The following IL6R variants were observed in gnomAD, a reference collection of about 807,000 sequenced individuals.
IL6R encodes the protein interleukin 6 receptor.
IL6R carries 38 observed loss-of-function variants against 48.3 expected under a neutral mutation model. The ratio of observed to expected loss-of-function variants is 0.79; its 90% CI spans 0.61 to 1.03. The LOEUF (loss-of-function observed/expected upper bound fraction) is 1.03. Among genes scored for constraint, IL6R ranks in the 50% least tolerant of loss-of-function variants. The pLI, the probability that IL6R is intolerant of heterozygous loss-of-function variation, is 0.00. For missense variants in IL6R, 534 were observed against 618.3 expected (o/e 0.86, Z 1.45); for synonymous variants, 264 against 256.2 (o/e 1.03, Z -0.29).
At chr1:154,447,260 G>A (rs746576020) in intron 6 of IL6R, among the ~76,000 whole-genome samples, 14 of 151,486 alleles carry the variant, frequency 9.2e-5, no homozygotes, top group Non-Finnish European at 2.1e-4. Flanking sequence ...CCAATATGGT[G>A]AAACCCTGTC....
intron 3 of IL6R, among the ~76,000 whole-genome samples, chr1:154,432,653 C>T (rs114645658): frequency 0.02 from 2,989 of 152,318 alleles, 99 homozygotes; most frequent in African/African-American, 0.067. Flanking sequence ...CCACCGCGCC[C>T]GGCTTGACTG....
intron 1 of IL6R, among the ~76,000 whole-genome samples, chr1:154,418,931 C>A (rs1688503161): frequency 6.6e-6 from 1 of 151,994 alleles, no homozygotes; most frequent in African/African-American, 2.4e-5. Flanking sequence ...CTTCCCTGGG[C>A]CTCTGAAGGG....
Position 154,439,945 on chromosome 1 carries a change from C to T in IL6R, c.949+3835C>T, listed in dbSNP as rs1310564096. 5.9e-5 allele frequency among the ~76,000 whole-genome samples: 9 copies of T among 152,102 alleles called. 1 individual carries two copies. The highest frequency in any genetic ancestry group is 1.2e-4 in the Non-Finnish European group (8 of 68,030). ...ACGGAGTCTCACTCTGTCACCCACCCAGGCTGGAGTGCACTGTCGTGACCT... is the reference window on the plus strand; with the variant it reads ...ACGGAGTCTCACTCTGTCACCCACCTAGGCTGGAGTGCACTGTCGTGACCT... On this transcript the variant is annotated intron_variant, in intron 6 of 9. Transcript: ENST00000368485.
intron 6 of IL6R, among the ~76,000 whole-genome samples, chr1:154,447,512 TACACAC>T (rs1422699312): frequency 1.6e-5 from 2 of 121,380 alleles, no homozygotes; most frequent in African/African-American, 3.7e-5. Flanking sequence ...CATATATATA[TACACAC>T]ATACATATAT....
At chr1:154,446,273 C>T (rs4576655) in intron 6 of IL6R, among the ~76,000 whole-genome samples, 71,678 of 151,920 alleles carry the variant, frequency 0.47, 18,043 homozygotes, top group African/African-American at 0.64. Context: ...TTTCCCTCTC[C>T]GGGCCTCTGT....
In IL6R at chr1:154,429,205, G is replaced by A. The variant is rs1689150816; in HGVS notation, c.95G>A (p.Arg32Lys). The change falls in exon 2 of 10, where the codon AGA (arginine) becomes AAA (lysine). Residue 32 changes from arginine (R) to lysine (K), a missense_variant. Transcript: ENST00000368485. The stretch of plus-strand genomic sequence containing the variant: ...CTTCTCCCTCCTCCAGAGGTGGCGA[G>A]AGGCGTGCTGACCAGTCTGCCAGGA... Reference protein sequence around the residue: ...PRRCPAQEVARGVLTSLPGDS... With the variant: ...PRRCPAQEVAKGVLTSLPGDS... 1.9e-6 allele frequency: 3 copies of A among 1,611,446 alleles called. No homozygotes were observed. Among genetic ancestry groups the A allele is most frequent in the Non-Finnish European group, 2.5e-6 (3 of 1,177,776 alleles).
intron 1 of IL6R, among the ~76,000 whole-genome samples, chr1:154,422,636 C>T (rs960999975): frequency 5.9e-5 from 9 of 152,202 alleles, no homozygotes; most frequent in Non-Finnish European, 1.3e-4. Context: ...CATAGGCTTG[C>T]AATCCTGGCT....
chr1:154,438,008 C>T (rs1156262735), intron 6 of IL6R, among the ~76,000 whole-genome samples: 1 of 152,056 alleles, frequency 6.6e-6, no homozygotes, highest in Non-Finnish European at 1.5e-5. Context: ...GCCACCGCGC[C>T]TGGCCTAAAC....
rs1280850351 is a variant in IL6R, at chr1:154,405,437, G to T, written c.-193G>T. The stretch of plus-strand genomic sequence containing the variant: ...ACTGAGCCGGGCCAGAGGGAGAGGA[G>T]CCGAGCGCGGCGCGGGGCCGAGGGA... On this transcript the variant is annotated 5_prime_UTR_variant, in exon 1 of 10. Coordinates refer to ENST00000368485, the MANE Select transcript of IL6R (RefSeq NM_000565.4). This position sits in a 1 kb window ranked among gnomAD's most constrained non-coding sequence, Gnocchi z 5.2. 2 of 545,814 alleles carry T rather than the reference G, an allele frequency of 3.7e-6. No homozygotes were observed. Among genetic ancestry groups the T allele is most frequent in the Admixed American group, 7.8e-5 (2 of 25,482 alleles). 33.8% of individuals were successfully genotyped at this position (545,814 alleles called of 1,614,324 possible). A position where few individuals can be genotyped will look rare whatever the true frequency, so the allele number is the denominator to read the frequency against.
chr1:154,432,197 C>T (rs1689330490), intron 3 of IL6R, among the ~76,000 whole-genome samples: 1 of 152,106 alleles, frequency 6.6e-6, no homozygotes, highest in Non-Finnish European at 1.5e-5. Context: ...AGCTCATGCC[C>T]CAAGCCTGGA....
chr1:154,412,404 T>C (rs1223121437), intron 1 of IL6R, among the ~76,000 whole-genome samples: 7 of 151,990 alleles, frequency 4.6e-5, no homozygotes, highest in Admixed American at 1.3e-4. Flanking sequence ...TACTGGTGCC[T>C]GCCACCACAC....
chr1:154,432,412 C>A (rs1689343128), intron 3 of IL6R, among the ~76,000 whole-genome samples: 1 of 149,546 alleles, frequency 6.7e-6, no homozygotes, highest in African/African-American at 2.5e-5. Context: ...GGCTGGAGTG[C>A]AGTGGTGGGA....
rs186087257 is a variant in IL6R at position 154,465,536 on chromosome 1, A to T, written c.*156A>T. Reference sequence around the variant, plus strand: ...TGCGGAAGGTTCTACGCCAGGGGAAAATCAGCCTGCTCCAGCTGTTCAGCT... The same window carrying T: ...TGCGGAAGGTTCTACGCCAGGGGAATATCAGCCTGCTCCAGCTGTTCAGCT... On this transcript the variant is annotated 3_prime_UTR_variant, in exon 10 of 10. Coordinates refer to ENST00000368485, the MANE Select transcript of IL6R (RefSeq NM_000565.4). The T allele has an allele frequency of 2.1e-4, 159 of 771,218 alleles. No individual in the cohort carries two copies. The African/African-American group carries it at 2.4e-3, about 12-fold the overall frequency. The allele number at this position is 771,218 out of a possible 1,614,324, so 47.8% of individuals were successfully genotyped here.
intron 8 of IL6R, among the ~76,000 whole-genome samples, chr1:154,451,813 G>A (rs1690598466): frequency 6.6e-6 from 1 of 152,092 alleles, no homozygotes; most frequent in Admixed American, 6.5e-5. Flanking sequence ...TGGGATTACA[G>A]GTGTGAGCCA....
chr1:154,426,285 T>C (rs1473329018), intron 1 of IL6R, among the ~76,000 whole-genome samples: 8 of 150,970 alleles, frequency 5.3e-5, no homozygotes, highest in Non-Finnish European at 1.0e-4. Context: ...CCGAGGCGGG[T>C]GGATCACCTG....
At chr1:154,452,461 G>T (rs1690637777) in intron 8 of IL6R, among the ~76,000 whole-genome samples, 1 of 152,100 alleles carries the variant, frequency 6.6e-6, no homozygotes, top group Non-Finnish European at 1.5e-5. Context: ...CATTCACTTT[G>T]CCAGCTCCTT....
At chr1:154,430,056 T>C (rs1689199153) in intron 2 of IL6R, among the ~76,000 whole-genome samples, 1 of 152,194 alleles carries the variant, frequency 6.6e-6, no homozygotes. Context: ...TTCAGCAGCC[T>C]TGTCAGGGAA....
intron 3 of IL6R, 38 bp from the exon 4 acceptor site, chr1:154,434,481 C>CT: frequency 6.3e-7 from 1 of 1,583,978 alleles, no homozygotes; most frequent in Non-Finnish European, 8.6e-7. Context: ...CTGTGCGAAA[C>CT]TGACAGGCAA....
chr1:154,416,177 T>C (rs1475178795), intron 1 of IL6R, among the ~76,000 whole-genome samples: 1 of 152,136 alleles, frequency 6.6e-6, no homozygotes, highest in African/African-American at 2.4e-5. Context: ...TTGCCAAGGC[T>C]GGAGTGCAGT....
Sources: gnomAD v4.1 joint callset for allele counts (sites outside exome capture counted in the v4.1 genomes callset) on GRCh38, gnomAD v4.1.1 for gene constraint, Gnocchi (gnomAD v3.1) non-coding constraint, MANE v1.5 for transcripts, NCBI Gene and HGNC (gene_info 2026-07-23, HGNC 2026-07-21) for gene names.